The following CAPN2 variants were observed in gnomAD, a reference collection of about 807,000 sequenced individuals.
CAPN2 encodes the protein calpain-2 catalytic subunit.
A neutral mutation model predicts 102.3 loss-of-function variants in CAPN2; 92 were observed. The ratio of observed to expected loss-of-function variants is 0.90; its 90% CI spans 0.76 to 1.07. The LOEUF is 1.07. Among genes scored for constraint, CAPN2 ranks in the 50% least tolerant of loss-of-function variants. The probability of loss-of-function intolerance (pLI) is 0.00; values close to 1 mark genes in which losing one functional copy is unlikely to be tolerated. For missense variants in CAPN2, 800 were observed against 909.4 expected (o/e 0.88, Z 1.55); for synonymous variants, 340 against 355.4 (o/e 0.96, Z 0.49).
chr1:223,761,605 C>T lies in CAPN2; in HGVS notation c.1554C>T (p.Ala518=). ...GAGCTGTCGATGATGAAATCGAGGC[C>T]AATCTTGAAGAGGTATTTGTAACTC... ...DYQAVDDEIE[A]NLEEFDISED... Residue 518 remains alanine, a synonymous_variant, in exon 13 of 21, where the codon GCC becomes GCT. Transcript: ENST00000295006. 1 of 1,612,496 alleles carries T rather than the reference C, an allele frequency of 6.2e-7. No individual in the cohort carries two copies. Among genetic ancestry groups the T allele is most frequent in the South Asian group, 1.1e-5 (1 of 90,908 alleles).
chr1:223,706,618 G>T (rs913677667), intron 1 of CAPN2, among the ~76,000 whole-genome samples: 1 of 152,174 alleles, frequency 6.6e-6, no homozygotes, highest in Admixed American at 6.5e-5. Context: ...CATGTCAGCT[G>T]CTCTGCTGGG....
intron 19 of CAPN2, 54 bp downstream of exon 19, chr1:223,771,979 C>G (rs1466420788): frequency 7.5e-7 from 1 of 1,325,836 alleles, no homozygotes; most frequent in Non-Finnish European, 1.1e-6. Flanking sequence ...ATTAAAGTGG[C>G]CTGCCTTTCA....
chr1:223,708,776 G>A (rs1357310728), upstream of CAPN2, among the ~76,000 whole-genome samples: 1 of 150,094 alleles, frequency 6.7e-6, no homozygotes, highest in African/African-American at 2.5e-5. Flanking sequence ...GAAAGAAAGA[G>A]CGAAAGAGAG....
intron 1 of CAPN2, 42 bp downstream of exon 1, chr1:223,712,919 G>GGCAGGGCGGGGT: frequency 7.0e-7 from 1 of 1,426,606 alleles, no homozygotes; most frequent in Non-Finnish European, 9.3e-7. Context: ...CGGGGTGCCG[G>GGCAGGGCGGGGT]GCAGGGCGGG....
At chr1:223,730,010 C>CAAAAAAACAA (rs1660294993) in intron 2 of CAPN2, among the ~76,000 whole-genome samples, 1 of 79,038 alleles carries the variant, frequency 1.3e-5, no homozygotes, top group African/African-American at 4.8e-5. Context: ...CCCAAAAAAC[C>CAAAAAAACAA]AAAAAAAAAA....
In CAPN2 at chr1:223,736,608, C is replaced by A. The variant is rs571865968; in HGVS notation, c.308-7492C>A. Among the ~76,000 whole-genome samples, 27 of 152,288 alleles carry A rather than the reference C, an allele frequency of 1.8e-4. No individual in the cohort carries two copies. In the East Asian group the frequency reaches 5.0e-3, roughly 28 times the overall value. ...TTTCAACAGTGCTGGGTCCAGACTC[C>A]CAGAACCCTACCTCTCCCATCTTCC... On this transcript the variant is annotated intron_variant, in intron 2 of 20. Transcript: ENST00000295006.
At position 223,757,338 on chromosome 1, in the gene CAPN2, G is replaced by T. The variant is rs369563485; in HGVS notation, c.1306-31G>T. On this transcript the variant is annotated intron_variant, in intron 10 of 20. Coordinates refer to ENST00000295006, the MANE Select transcript of CAPN2 (RefSeq NM_001748.5). ...TGCATTTTCTTACACTGCTTTTCCG[G>T]CATCTGAATTGCATCTCCTTTATTT... 2.5e-6 allele frequency: 4 copies of T among 1,613,856 alleles called. No homozygotes were observed. In the Admixed American group the frequency reaches 6.7e-5, roughly 27 times the overall value.
chr1:223,721,079 G>A (rs1208247789), intron 2 of CAPN2, among the ~76,000 whole-genome samples: 3 of 152,136 alleles, frequency 2.0e-5, no homozygotes, highest in East Asian at 1.9e-4. Flanking sequence ...AAACACCCAC[G>A]CTCCTTCCCA....
rs1488355728 is a variant in CAPN2 at position 223,726,013 on chromosome 1, A to G, written c.307+8182A>G. 2.6e-5 allele frequency among the ~76,000 whole-genome samples: 4 copies of G among 152,186 alleles called. No individual in the cohort carries two copies. Among genetic ancestry groups the G allele is most frequent in the African/African-American group, 4.8e-5 (2 of 41,432 alleles). ...GGTTTCCTCCGTCTCTCGGGAGACC[A>G]GGATCCGAGTGAGAAAGTTTCCCAC... On this transcript the variant is annotated intron_variant, in intron 2 of 20. Coordinates refer to ENST00000295006, the MANE Select transcript of CAPN2 (RefSeq NM_001748.5). This position sits in a 1 kb window ranked among gnomAD's most constrained non-coding sequence, Gnocchi z 4.4.
Position 223,717,827 on chromosome 1 carries a change from C to A in CAPN2, c.303C>A (p.Ala101=), listed in dbSNP as rs774628543. 3.5e-5 allele frequency: 57 copies of A among 1,613,182 alleles called. No individual in the cohort carries two copies. The highest frequency in any genetic ancestry group is 1.2e-4 in the Admixed American group (7 of 60,000). ...GATRTDICQG[A]LGDCWLLAAI... ...CCCGCACAGACATCTGCCAAGGAGC[C>A]CTGGGTAAGTGATAGATTCAGAGCA... The change falls in exon 2 of 21, where the codon GCC becomes GCA. Residue 101 remains alanine (A), a synonymous_variant. Coordinates refer to ENST00000295006, the MANE Select transcript of CAPN2 (RefSeq NM_001748.5).
intron 16 of CAPN2, among the ~76,000 whole-genome samples, chr1:223,767,145 GTT>G (rs1294642082): frequency 1.3e-5 from 2 of 151,820 alleles, no homozygotes; most frequent in African/African-American, 4.8e-5. Flanking sequence ...ATGTGAATCT[GTT>G]TTGTCTGATC....
chr1:223,764,231 C>T (rs773505518), intron 15 of CAPN2, 24 bp downstream of exon 15: 1 of 1,600,190 alleles, frequency 6.2e-7, no homozygotes, highest in South Asian at 1.1e-5. Context: ...CATTGCAAAA[C>T]CTCATCCTGC....
At chr1:223,770,868 G>A (rs1202329310) in intron 18 of CAPN2, 2 of 187,672 alleles carry the variant, frequency 1.1e-5, no homozygotes, top group Admixed American at 1.2e-4. Context: ...CAGCCCTTAG[G>A]GTAAGACCCT....
chr1:223,719,110 A>G (rs1321807615), intron 2 of CAPN2, among the ~76,000 whole-genome samples: 1 of 152,120 alleles, frequency 6.6e-6, no homozygotes, highest in East Asian at 1.9e-4. Flanking sequence ...CACTCCTTTC[A>G]TTTCTTTTCT....
intron 1 of CAPN2, among the ~76,000 whole-genome samples, chr1:223,713,234 G>T (rs1000754014): frequency 1.3e-5 from 2 of 152,184 alleles, no homozygotes; most frequent in Admixed American, 1.3e-4. Context: ...GAGCTGGAAG[G>T]GAAGGGGAAT....
intron 1 of CAPN2, among the ~76,000 whole-genome samples, chr1:223,715,035 G>A (rs1659839381): frequency 6.6e-6 from 1 of 152,252 alleles, no homozygotes. Flanking sequence ...TCAGAGTCAA[G>A]TGGATATAGG....
intron 2 of CAPN2, among the ~76,000 whole-genome samples, chr1:223,737,856 G>A (rs1660506783): frequency 6.6e-6 from 1 of 152,058 alleles, no homozygotes; most frequent in Non-Finnish European, 1.5e-5. Flanking sequence ...AAGCACCTTA[G>A]GGGCTACAGA....
Position 223,712,763 on chromosome 1 carries a change from G to A in CAPN2, c.123G>A (p.Glu41=), listed in dbSNP as rs149361972. ...AGGCGCTGCGGAACGAGTGCCTGGA[G>A]GCCGGGACGCTCTTCCAGGACCCGT... The part of the protein sequence containing the change: ...DYEALRNECL[E]AGTLFQDPSF... Residue 41 remains glutamate, a synonymous_variant, in exon 1 of 21, where the codon GAG becomes GAA. Transcript: ENST00000295006. 5.1e-6 allele frequency: 8 copies of A among 1,581,038 alleles called. No homozygotes were observed. The highest frequency in any genetic ancestry group is 1.4e-5 in the African/African-American group (1 of 72,324).
chr1:223,715,017 A>G (rs1659839014), intron 1 of CAPN2, among the ~76,000 whole-genome samples: 1 of 152,192 alleles, frequency 6.6e-6, no homozygotes, highest in African/African-American at 2.4e-5. Context: ...GGAAGGTTAA[A>G]TACTTGCTCA....
Sources: allele counts gnomAD v4.1 joint callset (sites outside exome capture counted in the v4.1 genomes callset), GRCh38; gene constraint gnomAD v4.1.1; non-coding constraint Gnocchi (gnomAD v3.1); transcripts MANE v1.5; gene names NCBI Gene and HGNC (gene_info 2026-07-23, HGNC 2026-07-21).